The following MCTP2 variants were observed in gnomAD, a reference collection of about 807,000 sequenced individuals.
MCTP2 encodes multiple C2 and transmembrane domain containing 2, also known as multiple C2 and transmembrane domain-containing protein 2.
MCTP2 carries 132 observed loss-of-function variants against 111.6 expected under a neutral mutation model. The observed-to-expected ratio is 1.18, with a 90% CI of 1.03 to 1.37. The LOEUF (loss-of-function observed/expected upper bound fraction) is 1.37, where lower values mean the gene tolerates loss of function less well. MCTP2 is among the 40% of genes most tolerant of loss of function. MCTP2 has a pLI of 0.00. For missense variants in MCTP2, 1,183 were observed against 1,067.9 expected, an observed-to-expected ratio of 1.11 and a Z score of -1.50; for synonymous variants, 395 against 387.7, an observed-to-expected ratio of 1.02 and a Z score of -0.22.
chr15:94,372,015 GAAGA>G (rs2079517197), intron 12 of MCTP2, among the ~76,000 whole-genome samples: 1 of 151,946 alleles, frequency 6.6e-6, no homozygotes, highest in Admixed American at 6.6e-5. Flanking sequence ...GAGGATACCT[GAAGA>G]AAGAGTCTTT....
chr15:94,441,694 T>A (rs1223347770), intron 18 of MCTP2, among the ~76,000 whole-genome samples: 1 of 152,226 alleles, frequency 6.6e-6, no homozygotes, highest in Non-Finnish European at 1.5e-5. Context: ...TTTTATGTCT[T>A]ATGAAACTAC....
intron 20 of MCTP2, among the ~76,000 whole-genome samples, chr15:94,469,078 T>C (rs988865026): frequency 2.0e-5 from 3 of 152,232 alleles, no homozygotes; most frequent in South Asian, 4.1e-4. Flanking sequence ...ATTCTAAATA[T>C]GTGAACAATG....
In MCTP2 at chr15:94,298,647, G is replaced by A; in HGVS notation, c.382G>A (p.Ala128Thr). ...CTCAGAGGAGGCCTATGCCTCTCCT[G>A]CTGAGCGGAGACGGGTGTCCAGCAA... Reference protein sequence around the residue: ...TDSEEAYASPAERRRVSSNGI... With the variant: ...TDSEEAYASPTERRRVSSNGI... The change falls in exon 2 of 23, where the codon GCT (alanine) becomes ACT (threonine). Residue 128 changes from alanine to threonine, a missense_variant. By Grantham distance (58) the Ala-to-Thr change is moderately conservative (BLOSUM62 0). Coordinates refer to ENST00000357742, the MANE Select transcript of MCTP2 (RefSeq NM_001385001.1). 6.2e-7 allele frequency: 1 copy of A among 1,614,034 alleles called. No individual in the cohort carries two copies. The highest frequency in any genetic ancestry group is 8.5e-7 in the Non-Finnish European group (1 of 1,179,986).
intron 1 of MCTP2, among the ~76,000 whole-genome samples, chr15:94,284,400 G>T (rs1003556538): frequency 2.0e-5 from 3 of 152,132 alleles, no homozygotes; most frequent in Admixed American, 6.5e-5. Flanking sequence ...TTTTGTAGTG[G>T]TATAATAGAG....
In MCTP2 at chr15:94,340,984, T is replaced by C. The variant is rs2077609511; in HGVS notation, c.969+60T>C. 3 of 1,052,706 alleles carry C rather than the reference T, an allele frequency of 2.8e-6. No individual in the cohort carries two copies. The Admixed American group carries it at 5.2e-5, about 18-fold the overall frequency. 65.2% of individuals were successfully genotyped at this position (1,052,706 alleles called of 1,614,324 possible). A position where few individuals can be genotyped will look rare whatever the true frequency, so the allele number is the denominator to read the frequency against. ...ATTTTGTCGTTTTGAAATGGCTCATTGCAATTGTCCCTTGATAGCTAGCAG... is the reference window on the plus strand; with the variant it reads ...ATTTTGTCGTTTTGAAATGGCTCATCGCAATTGTCCCTTGATAGCTAGCAG... On this transcript the variant is annotated intron_variant, in intron 7 of 22. Transcript: ENST00000357742.
intron 14 of MCTP2, among the ~76,000 whole-genome samples, chr15:94,391,341 C>T (rs1325291930): frequency 6.6e-6 from 1 of 151,974 alleles, no homozygotes; most frequent in African/African-American, 2.4e-5. Flanking sequence ...CTTGAACAGT[C>T]ATAGGTTGTT....
At chr15:94,259,005 C>T (rs2073019655) in intron 1 of MCTP2, among the ~76,000 whole-genome samples, 1 of 152,104 alleles carries the variant, frequency 6.6e-6, no homozygotes, top group Non-Finnish European at 1.5e-5. Flanking sequence ...TCAGCATACA[C>T]TAAAATAGAG....
chr15:94,461,893 T>G (rs2085235974), intron 20 of MCTP2, among the ~76,000 whole-genome samples: 1 of 152,100 alleles, frequency 6.6e-6, no homozygotes, highest in Non-Finnish European at 1.5e-5. Context: ...AGATGCATTT[T>G]GTGTTTAAAT....
chr15:94,373,723 C>A (rs567917301), intron 12 of MCTP2, among the ~76,000 whole-genome samples: 3 of 152,176 alleles, frequency 2.0e-5, no homozygotes, highest in Non-Finnish European at 4.4e-5. Flanking sequence ...TCTATGCCAA[C>A]GTTAGACGTG....
intron 4 of MCTP2, among the ~76,000 whole-genome samples, chr15:94,326,827 CAACCTCGG>C (rs2076904719): frequency 7.6e-5 from 9 of 118,216 alleles, no homozygotes; most frequent in Non-Finnish European, 1.3e-4. Flanking sequence ...CACCCCCCCC[CAACCTCGG>C]CCTCCCAAAG....
At chr15:94,359,133 T>G (rs1012214723) in intron 10 of MCTP2, among the ~76,000 whole-genome samples, 1 of 152,164 alleles carries the variant, frequency 6.6e-6, no homozygotes, top group Non-Finnish European at 1.5e-5. Context: ...ATATTATTGC[T>G]TCTTCCTAGG....
chr15:94,250,664 A>G (rs1403566333), intron 1 of MCTP2, among the ~76,000 whole-genome samples: 1 of 152,224 alleles, frequency 6.6e-6, no homozygotes, highest in African/African-American at 2.4e-5. Context: ...ATGAAATGAC[A>G]TGAGCTGTGC....
intron 14 of MCTP2, among the ~76,000 whole-genome samples, chr15:94,388,433 C>T (rs1234060861): frequency 1.3e-5 from 2 of 152,132 alleles, no homozygotes; most frequent in African/African-American, 4.8e-5. Flanking sequence ...TTCAGTGGTC[C>T]ACCTGCAACA....
At chr15:94,477,989 C>G (rs370967596) in intron 22 of MCTP2, among the ~76,000 whole-genome samples, 1 of 152,188 alleles carries the variant, frequency 6.6e-6, no homozygotes, top group African/African-American at 2.4e-5. Context: ...ATTTATCTGC[C>G]TCTGACAAAG....
At chr15:94,304,033 G>A (rs1333313393) in intron 2 of MCTP2, among the ~76,000 whole-genome samples, 5 of 152,192 alleles carry the variant, frequency 3.3e-5, no homozygotes, top group Admixed American at 3.3e-4. Flanking sequence ...TCTAAGACAT[G>A]TACTAACTGT....
At chr15:94,419,023 T>C (rs1203135828) in intron 17 of MCTP2, among the ~76,000 whole-genome samples, 1 of 152,174 alleles carries the variant, frequency 6.6e-6, no homozygotes, top group Non-Finnish European at 1.5e-5. Context: ...TTCATAGAAA[T>C]GTTCAGTATA....
chr15:94,395,982 G>A (rs947539511), intron 14 of MCTP2, among the ~76,000 whole-genome samples: 2 of 152,134 alleles, frequency 1.3e-5, no homozygotes, highest in Non-Finnish European at 2.9e-5. Flanking sequence ...AGGGGTGTTT[G>A]CATTCTCAAG....
intron 11 of MCTP2, among the ~76,000 whole-genome samples, chr15:94,368,607 TG>T (rs2079322547): frequency 6.6e-6 from 1 of 151,900 alleles, no homozygotes; most frequent in Non-Finnish European, 1.5e-5. Flanking sequence ...TGAATAATTC[TG>T]TATCTTCGGG....
intron 7 of MCTP2, chr15:94,342,644 A>G (rs1320047724): frequency 3.3e-5 from 5 of 151,672 alleles, no homozygotes; most frequent in African/African-American, 9.7e-5. Flanking sequence ...ATTTGTCTCC[A>G]TATATACGCA....
Sources: allele counts gnomAD v4.1 joint callset (sites outside exome capture counted in the v4.1 genomes callset), GRCh38; gene constraint gnomAD v4.1.1; transcripts MANE v1.5; gene names NCBI Gene and HGNC (gene_info 2026-07-23, HGNC 2026-07-21).